RYR2: variants seen among roughly 807,000 people sequenced by gnomAD.
The protein encoded by RYR2 is ryanodine receptor 2, also known as cardiac muscle ryanodine receptor-calcium release channel.
Under a neutral mutation model 601.1 loss-of-function variants are expected in RYR2, and 227 were observed. The observed-to-expected ratio is 0.38, with a 90% CI of 0.34 to 0.42. The LOEUF (loss-of-function observed/expected upper bound fraction) is 0.42. Among genes scored for constraint, RYR2 ranks in the 10% least tolerant of loss-of-function variants. The probability of loss-of-function intolerance (pLI) is 1.00; values close to 1 mark genes in which losing one functional copy is unlikely to be tolerated. For synonymous variants in RYR2, 2,223 were observed against 2,175.1 expected (o/e 1.02, Z -0.61); for missense variants, 4,646 against 6,156.5 (o/e 0.75, Z 8.21).
chr1:237,629,559 G>A (rs1315029010), intron 41 of RYR2, among the ~76,000 whole-genome samples: 1 of 151,844 alleles, frequency 6.6e-6, no homozygotes, highest in Non-Finnish European at 1.5e-5. Flanking sequence ...AGCTGATGTA[G>A]TTACATAGAT....
At position 237,456,597 on chromosome 1, in the gene RYR2, C is replaced by T. The variant is rs1221623944; in HGVS notation, c.1477-3C>T. 1 of 1,483,940 alleles carries T rather than the reference C, an allele frequency of 6.7e-7. No individual in the cohort carries two copies. Among genetic ancestry groups the T allele is most frequent in the Non-Finnish European group, 9.0e-7 (1 of 1,108,486 alleles). The allele number at this position is 1,483,940 out of a possible 1,614,324, so 91.9% of individuals were successfully genotyped here. ...GTGATTTTTTTTTTTTTTAACGTTC[C>T]AGGGAATGATCAACCTCGTGCTTGA... On this transcript the variant is annotated splice_region_variant and splice_polypyrimidine_tract_variant and intron_variant, in intron 15 of 104. Transcript: ENST00000366574.
chr1:237,450,066 T>C (rs1657898990), intron 14 of RYR2, among the ~76,000 whole-genome samples: 2 of 152,134 alleles, frequency 1.3e-5, no homozygotes, highest in African/African-American at 2.4e-5. Context: ...CAGTGTCCCA[T>C]GAATTGTAGA....
intron 68 of RYR2, 128 bp downstream of exon 68, chr1:237,707,397 T>A: frequency 1.9e-6 from 1 of 527,420 alleles, no homozygotes; most frequent in East Asian, 2.9e-5. Flanking sequence ...AATATTAGTA[T>A]TTGTCATGCT....
At chr1:237,424,375 G>C (rs1256256851) in intron 12 of RYR2, among the ~76,000 whole-genome samples, 1 of 152,062 alleles carries the variant, frequency 6.6e-6, no homozygotes, top group Non-Finnish European at 1.5e-5. Flanking sequence ...GTGTTATTCA[G>C]GGCTCATTGA....
At chr1:237,278,441 C>A (rs1295930436) in intron 2 of RYR2, among the ~76,000 whole-genome samples, 1 of 151,654 alleles carries the variant, frequency 6.6e-6, no homozygotes, top group Non-Finnish European at 1.5e-5. Flanking sequence ...GGAATATATT[C>A]ATCTATCATA....
chr1:237,524,809 CAGA>C (rs1223779134), intron 24 of RYR2, among the ~76,000 whole-genome samples: 5 of 151,948 alleles, frequency 3.3e-5, no homozygotes, highest in African/African-American at 4.8e-5. Context: ...CCCTTTTGCT[CAGA>C]AGGTCAGTCT....
chr1:237,294,818 A>C (rs1288831196), intron 2 of RYR2, among the ~76,000 whole-genome samples: 1 of 152,226 alleles, frequency 6.6e-6, no homozygotes, highest in African/African-American at 2.4e-5. Context: ...TAACTAGATC[A>C]CAAAGTCTTT....
intron 8 of RYR2, among the ~76,000 whole-genome samples, chr1:237,380,297 C>T (rs1274446932): frequency 7.2e-6 from 1 of 138,704 alleles, no homozygotes; most frequent in African/African-American, 2.7e-5. Flanking sequence ...ATAGAATAAA[C>T]CCTGAATAAC....
At chr1:237,519,937 C>T (rs937119747) in intron 24 of RYR2, among the ~76,000 whole-genome samples, 2 of 151,466 alleles carry the variant, frequency 1.3e-5, no homozygotes, top group Non-Finnish European at 2.9e-5. Context: ...TGTTTGTTTG[C>T]ATCATCTATA....
chr1:237,532,399 T>G (rs972359076), intron 25 of RYR2, among the ~76,000 whole-genome samples: 26 of 152,108 alleles, frequency 1.7e-4, no homozygotes, highest in Non-Finnish European at 3.8e-4. Context: ...TTATGAAAAA[T>G]CATATTTAAT....
chr1:237,821,732 T>C (rs1002355075), intron 101 of RYR2, among the ~76,000 whole-genome samples: 3 of 151,852 alleles, frequency 2.0e-5, no homozygotes, highest in African/African-American at 7.3e-5. Flanking sequence ...TCCTCTGAGC[T>C]AAAGGAGCAT....
chr1:237,449,021 T>G (rs1183839577), intron 14 of RYR2, among the ~76,000 whole-genome samples: 3 of 152,150 alleles, frequency 2.0e-5, no homozygotes, highest in Non-Finnish European at 4.4e-5. Context: ...TTGTTTTATA[T>G]TCGTCCCACC....
intron 1 of RYR2, among the ~76,000 whole-genome samples, chr1:237,174,171 T>C (rs1677750632): frequency 6.6e-6 from 1 of 152,252 alleles, no homozygotes. Flanking sequence ...AGTTTCATTT[T>C]TCTTCATTCA....
intron 101 of RYR2, among the ~76,000 whole-genome samples, chr1:237,820,212 G>A (rs891991024): frequency 6.6e-6 from 1 of 151,700 alleles, no homozygotes; most frequent in Non-Finnish European, 1.5e-5. Context: ...AAAAAAGGTG[G>A]GGGAGGGAGG....
intron 16 of RYR2, 26 bp from the exon 17 acceptor site, chr1:237,469,066 G>A: frequency 6.3e-7 from 1 of 1,591,512 alleles, no homozygotes; most frequent in South Asian, 1.1e-5. Context: ...ATCACATAAA[G>A]GTGAAATCTA....
Position 237,309,175 on chromosome 1 carries a change from G to A in RYR2, c.169-21703G>A, listed in dbSNP as rs1020940983. Among the ~76,000 whole-genome samples, 40 of 144,194 alleles carry A rather than the reference G, an allele frequency of 2.8e-4. 1 individual carries two copies. The highest frequency in any genetic ancestry group is 9.0e-4 in the African/African-American group (34 of 37,818). 94.6% of individuals were successfully genotyped at this position (144,194 alleles called of 152,430 possible). On this transcript the variant is annotated intron_variant, in intron 2 of 104. Coordinates refer to ENST00000366574, the MANE Select transcript of RYR2 (RefSeq NM_001035.3). Reference sequence around the variant, plus strand: ...AGCTAGACACAGAGCACTGATTGGTGCATTTACAAACCTTGAGATAGACAC... The same window carrying A: ...AGCTAGACACAGAGCACTGATTGGTACATTTACAAACCTTGAGATAGACAC...
intron 27 of RYR2, among the ~76,000 whole-genome samples, chr1:237,554,203 A>G (rs1303591683): frequency 6.6e-6 from 1 of 151,864 alleles, no homozygotes; most frequent in African/African-American, 2.4e-5. Flanking sequence ...TTTATCATAA[A>G]TAGGGTCATG....
rs397516512 is a variant in RYR2, at chr1:237,792,197, T to C, written c.13656T>C (p.His4552=). Residue 4552 remains histidine, a synonymous_variant, in exon 94 of 105, where the codon CAT becomes CAC. Transcript: ENST00000366574. The part of the protein sequence containing the change: ...AKVTSLDSSS[H]RIIAVHYVLE... ...TGACAAGCCTGGACAGCAGCTCCCA[T>C]AGAATCATCGCAGTTCACTATGTAC... is the stretch of plus-strand genomic sequence containing the variant. 1.8e-4 allele frequency: 287 copies of C among 1,613,598 alleles called. 6 individuals carry two copies. The South Asian group carries it at 3.0e-3, about 17-fold the overall frequency.
intron 24 of RYR2, among the ~76,000 whole-genome samples, chr1:237,529,282 C>T (rs750479313): frequency 6.6e-6 from 1 of 152,126 alleles, no homozygotes; most frequent in Non-Finnish European, 1.5e-5. Flanking sequence ...CTTCAATCAG[C>T]TCTTGGTCTT....
Sources: gnomAD v4.1 joint callset for allele counts (sites outside exome capture counted in the v4.1 genomes callset) on GRCh38, gnomAD v4.1.1 for gene constraint, MANE v1.5 for transcripts, NCBI Gene and HGNC (gene_info 2026-07-23, HGNC 2026-07-21) for gene names.